Variants in LRRC4C observed in about 807,000 individuals in gnomAD.
LRRC4C encodes leucine rich repeat containing 4C, also known as leucine-rich repeat-containing protein 4C.
Under a neutral mutation model 33.6 loss-of-function variants are expected in LRRC4C, and 5 were observed. The observed-to-expected ratio is 0.15, with a 90% CI of 0.08 to 0.31. The LOEUF is 0.31. Among genes scored for constraint, LRRC4C ranks in the 10% least tolerant of loss-of-function variants. The probability of loss-of-function intolerance (pLI) is 1.00; values close to 1 mark genes in which losing one functional copy is unlikely to be tolerated. For synonymous variants in LRRC4C, 329 were observed against 302.0 expected, an observed-to-expected ratio of 1.09 and a Z score of -0.93; for missense variants, 560 against 796.7, an observed-to-expected ratio of 0.70 and a Z score of 3.58.
At position 40,902,949 on chromosome 11, in the gene LRRC4C, A is replaced by G. The variant is rs564233313; in HGVS notation, c.-407+30686T>C. Among the ~76,000 whole-genome samples, 12 of 152,336 alleles carry G rather than the reference A, an allele frequency of 7.9e-5. No homozygotes were observed. The South Asian group carries it at 2.1e-3, about 26-fold the overall frequency. ...TAGAAACTGCAGCAAGTTACCCGGA[A>G]GATCTAGTTAAGATCATTAATGAAG... On this transcript the variant is annotated intron_variant, in intron 2 of 6. Transcript: ENST00000528697.
chr11:41,340,115 C>T (rs921194228), intron 1 of LRRC4C, among the ~76,000 whole-genome samples: 3 of 152,046 alleles, frequency 2.0e-5, no homozygotes, highest in Admixed American at 2.0e-4. Flanking sequence ...CGTATTAATC[C>T]TATGAAGTAA....
intron 1 of LRRC4C, among the ~76,000 whole-genome samples, chr11:41,101,270 T>C (rs1336165168): frequency 6.6e-6 from 1 of 151,988 alleles, no homozygotes; most frequent in Non-Finnish European, 1.5e-5. Flanking sequence ...GTCTAATATG[T>C]AGCAAAGTCC....
rs1955357454 is a variant in LRRC4C at position 40,884,753 on chromosome 11, T to A, written c.-407+48882A>T. Among the ~76,000 whole-genome samples the A allele has an allele frequency of 3.3e-5, 5 of 152,238 alleles. 1 individual carries two copies. In the South Asian group the frequency reaches 1.0e-3, roughly 31 times the overall value. ...GTAAATGTATACAATACTTCGCAAT[T>A]TTTATTTTCCTAAAAAAAGTGTAGA... is the stretch of plus-strand genomic sequence containing the variant. On this transcript the variant is annotated intron_variant, in intron 2 of 6. Coordinates refer to ENST00000528697, the MANE Select transcript of LRRC4C (RefSeq NM_001258419.2).
chr11:41,343,623 G>A (rs1368025501), intron 1 of LRRC4C, among the ~76,000 whole-genome samples: 1 of 152,104 alleles, frequency 6.6e-6, no homozygotes, highest in Non-Finnish European at 1.5e-5. Context: ...AAGATATGCT[G>A]GTCCAACCCA....
chr11:41,102,671 T>C (rs1941261844), intron 1 of LRRC4C, among the ~76,000 whole-genome samples: 1 of 152,040 alleles, frequency 6.6e-6, no homozygotes, highest in Non-Finnish European at 1.5e-5. Context: ...ATTCAACTCA[T>C]TTCTCTCTTC....
At chr11:40,646,010 C>A (rs1337516274) in intron 3 of LRRC4C, among the ~76,000 whole-genome samples, 1 of 148,300 alleles carries the variant, frequency 6.7e-6, no homozygotes, top group Non-Finnish European at 1.5e-5. Context: ...CCTGTAATTA[C>A]TACCTTTATG....
intron 1 of LRRC4C, among the ~76,000 whole-genome samples, chr11:41,181,043 T>C (rs1243097615): frequency 6.6e-6 from 1 of 152,164 alleles, no homozygotes; most frequent in Admixed American, 6.5e-5. Flanking sequence ...TTAAGAATGT[T>C]GGTAATTAAT....
At chr11:41,397,027 A>C (rs1953845337) in intron 1 of LRRC4C, among the ~76,000 whole-genome samples, 1 of 152,012 alleles carries the variant, frequency 6.6e-6, no homozygotes, top group African/African-American at 2.4e-5. Flanking sequence ...CGATTTTTTA[A>C]AGAACAAAGA....
At chr11:41,408,694 G>A (rs1954333997) in intron 1 of LRRC4C, among the ~76,000 whole-genome samples, 2 of 148,716 alleles carry the variant, frequency 1.3e-5, no homozygotes, top group Non-Finnish European at 3.0e-5. Flanking sequence ...TTTACTCGCT[G>A]CTTTAGATTA....
chr11:40,186,903 G>A (rs897446053), intron 5 of LRRC4C, among the ~76,000 whole-genome samples: 24 of 152,082 alleles, frequency 1.6e-4, no homozygotes, highest in Non-Finnish European at 3.1e-4. Context: ...TGTGTGGCTG[G>A]GGCCCCTCTG....
rs1056004053 is a variant in LRRC4C, at chr11:41,130,124, C to T, written c.-495-196401G>A. Among the ~76,000 whole-genome samples, 5 of 152,050 alleles carry T rather than the reference C, an allele frequency of 3.3e-5. No individual in the cohort carries two copies. In the South Asian group the frequency reaches 1.0e-3, roughly 31 times the overall value. ...CTTGACTTTCTGTGCCTCCTTACTG[C>T]TCATTCCTCATGTATTTCTCTCCTT... On this transcript the variant is annotated intron_variant, in intron 1 of 6. Coordinates refer to ENST00000528697, the MANE Select transcript of LRRC4C (RefSeq NM_001258419.2).
chr11:40,564,435 G>A (rs941869819), intron 3 of LRRC4C, among the ~76,000 whole-genome samples: 5 of 152,100 alleles, frequency 3.3e-5, no homozygotes, highest in Non-Finnish European at 2.9e-5. Flanking sequence ...CATCGTAAAT[G>A]CACTGGTGAA....
intron 1 of LRRC4C, among the ~76,000 whole-genome samples, chr11:41,296,330 T>G (rs1950142096): frequency 6.6e-6 from 1 of 152,074 alleles, no homozygotes; most frequent in Non-Finnish European, 1.5e-5. Context: ...TTTTTTTTCT[T>G]TTGAGACCAA....
chr11:40,958,858 G>A (rs1322696772), intron 1 of LRRC4C, among the ~76,000 whole-genome samples: 1 of 151,632 alleles, frequency 6.6e-6, no homozygotes, highest in African/African-American at 2.4e-5. Context: ...GAAAACCAGG[G>A]CCTGTATCCA....
At chr11:40,270,690 G>A (rs1465739654) in intron 4 of LRRC4C, among the ~76,000 whole-genome samples, 1 of 152,046 alleles carries the variant, frequency 6.6e-6, no homozygotes, top group Non-Finnish European at 1.5e-5. Flanking sequence ...TGAGGTAGAG[G>A]TGAAGAGATG....
intron 3 of LRRC4C, among the ~76,000 whole-genome samples, chr11:40,370,986 C>T (rs1948425566): frequency 6.6e-6 from 1 of 152,098 alleles, no homozygotes; most frequent in East Asian, 1.9e-4. Flanking sequence ...TATTTAATTG[C>T]CACTGTACAT....
chr11:41,215,170 A>G (rs1343288692), intron 1 of LRRC4C, among the ~76,000 whole-genome samples: 1 of 151,594 alleles, frequency 6.6e-6, no homozygotes. Context: ...TAATTTTAGA[A>G]CATACTATCA....
At chr11:40,704,589 C>T (rs1946050879) in intron 2 of LRRC4C, among the ~76,000 whole-genome samples, 1 of 152,072 alleles carries the variant, frequency 6.6e-6, no homozygotes, top group Non-Finnish European at 1.5e-5. Flanking sequence ...GGGAAACTAA[C>T]CCTGTTAGTT....
intron 1 of LRRC4C, among the ~76,000 whole-genome samples, chr11:40,967,594 T>C (rs549256546): frequency 1.3e-5 from 2 of 152,178 alleles, no homozygotes; most frequent in South Asian, 4.1e-4. Context: ...TTCATTCTTA[T>C]TATATCTCTT....
Sources: allele counts gnomAD v4.1 joint callset (sites outside exome capture counted in the v4.1 genomes callset), GRCh38; gene constraint gnomAD v4.1.1; transcripts MANE v1.5; gene names NCBI Gene and HGNC (gene_info 2026-07-23, HGNC 2026-07-21).